RAG1: variants seen among roughly 807,000 people sequenced by gnomAD.
RAG1 encodes the protein V(D)J recombination-activating protein 1.
Under a neutral mutation model 62.7 loss-of-function variants are expected in RAG1, and 35 were observed. That is an observed-to-expected ratio of 0.56 (90% CI 0.43 to 0.74). The LOEUF is 0.74. RAG1 is among the 30% of genes least tolerant of loss of function. RAG1 has a pLI of 0.00. For missense variants in RAG1, 1,169 were observed against 1,278.6 expected (o/e 0.91, Z 1.31); for synonymous variants, 461 against 470.3 (o/e 0.98, Z 0.26).
intron 1 of RAG1, chr11:36,520,115 A>T (rs964397128): frequency 6.6e-6 from 1 of 152,178 alleles, no homozygotes; most frequent in Non-Finnish European, 1.5e-5. Flanking sequence ...TCAACATCAC[A>T]AGCTTTCTTT....
chr11:36,541,233 C>A (rs1414078476), intron 3 of RAG1, among the ~76,000 whole-genome samples: 1 of 152,196 alleles, frequency 6.6e-6, no homozygotes, highest in East Asian at 1.9e-4. Context: ...GGGCGTACTC[C>A]TGAATTGACT....
chr11:36,570,225 A>T (rs1483224364), intron 1 of RAG1, among the ~76,000 whole-genome samples: 1 of 152,182 alleles, frequency 6.6e-6, no homozygotes, highest in Non-Finnish European at 1.5e-5. Flanking sequence ...AATTTTAAAG[A>T]TATTGCTAAA....
Position 36,550,881 on chromosome 11 carries a change from G to T in RAG1, c.-411-12504G>T, listed in dbSNP as rs149209626. On this transcript the variant is annotated intron_variant and NMD_transcript_variant, in intron 3 of 9. Coordinates refer to the RAG1 transcript ENST00000534663. ...CCACAGAAGTACTCTGCCTACTTGG[G>T]TCATGTGACTAACCCTGGATCCATC... Among the ~76,000 whole-genome samples, 5 of 152,186 alleles carry T rather than the reference G, an allele frequency of 3.3e-5. No individual in the cohort carries two copies. In the East Asian group the frequency reaches 9.7e-4, roughly 29 times the overall value.
intron 2 of RAG1, chr11:36,520,301 C>T (rs1860058906): frequency 1.3e-5 from 2 of 152,084 alleles, no homozygotes; most frequent in East Asian, 1.9e-4. Context: ...CAAAGTCTTG[C>T]TCTGTTGCCC....
At chr11:36,531,824 A>G (rs185072465) in intron 2 of RAG1, among the ~76,000 whole-genome samples, 2 of 152,168 alleles carry the variant, frequency 1.3e-5, no homozygotes, top group Admixed American at 1.3e-4. Flanking sequence ...GACGTGAGCT[A>G]GAAACTTTCA....
At position 36,579,594 on chromosome 11, in the gene RAG1, G is replaced by T. The variant is rs1186510537; in HGVS notation, c.*3158G>T. ...GAAAATTCAGGTACCAGGATGCAAT[G>T]GATTTATTTGATTCAGGGGACCTGT... On this transcript the variant is annotated 3_prime_UTR_variant, in exon 2 of 2. Transcript: ENST00000299440. The T allele has an allele frequency of 2.4e-5, 4 of 165,282 alleles. No homozygotes were observed. The highest frequency in any genetic ancestry group is 7.3e-5 in the African/African-American group (3 of 40,946). The allele number at this position is 165,282 out of a possible 1,614,324, so 10.2% of individuals were successfully genotyped here. A position where few individuals can be genotyped will look rare whatever the true frequency, so the allele number is the denominator to read the frequency against.
intron 3 of RAG1, among the ~76,000 whole-genome samples, chr11:36,557,451 G>T: frequency 6.9e-6 from 1 of 145,810 alleles, no homozygotes. Context: ...GTGAGGCAAT[G>T]CCTCGCCCTG....
At chr11:36,528,638 A>T (rs1427901673) in intron 2 of RAG1, among the ~76,000 whole-genome samples, 1 of 152,150 alleles carries the variant, frequency 6.6e-6, no homozygotes, top group Non-Finnish European at 1.5e-5. Flanking sequence ...ACAAGAAATA[A>T]CTAAGATCAG....
At position 36,576,292 on chromosome 11, in the gene RAG1, G is replaced by T. The variant is rs1388654836; in HGVS notation, c.2988G>T (p.Leu996Phe). ...AAGATGTCCTGAAACACCACTGGTT[G>T]TACACCTCCAAATACCTCCAGAAGT... is the stretch of plus-strand genomic sequence containing the variant. ...EMEDVLKHHW[L>F]YTSKYLQKFM... Residue 996 changes from leucine (L) to phenylalanine (F), a missense_variant, in exon 2 of 2, where the codon TTG (leucine) becomes TTT (phenylalanine). Leu to Phe is a conservative substitution (Grantham distance 22, BLOSUM62 0). Coordinates refer to ENST00000299440, the MANE Select transcript of RAG1 (RefSeq NM_000448.3). The T allele has an allele frequency of 6.2e-7, 1 of 1,613,992 alleles. No homozygotes were observed.
chr11:36,519,899 A>G (rs1860051814), intron 1 of RAG1, among the ~76,000 whole-genome samples: 1 of 152,258 alleles, frequency 6.6e-6, no homozygotes, highest in African/African-American at 2.4e-5. Flanking sequence ...TTATAAAATA[A>G]AAAGTAAAAA....
chr11:36,520,701 T>C (rs1860066618), intron 2 of RAG1, among the ~76,000 whole-genome samples: 1 of 152,230 alleles, frequency 6.6e-6, no homozygotes, highest in Non-Finnish European at 1.5e-5. Flanking sequence ...ACATTAGTGT[T>C]ATGAAAAGGA....
chr11:36,518,670 C>T (rs1860031721), intron 1 of RAG1, among the ~76,000 whole-genome samples: 1 of 152,150 alleles, frequency 6.6e-6, no homozygotes, highest in African/African-American at 2.4e-5. Context: ...TATCCTTAGC[C>T]CACTTTTTGA....
Position 36,577,975 on chromosome 11 carries a change from G to A in RAG1, c.*1539G>A, listed in dbSNP as rs987368823. The A allele has an allele frequency of 6.0e-6, 1 of 167,108 alleles. No homozygotes were observed. Among genetic ancestry groups the A allele is most frequent in the Non-Finnish European group, 1.5e-5 (1 of 68,114 alleles). The allele number at this position is 167,108 out of a possible 1,614,324, so 10.4% of individuals were successfully genotyped here. ...CTCCAAAGGGCCCCCTAACCCTCTTGTGGCTCCAGTTATTTGGAAACTATG... is the reference window on the plus strand; with the variant it reads ...CTCCAAAGGGCCCCCTAACCCTCTTATGGCTCCAGTTATTTGGAAACTATG... On this transcript the variant is annotated 3_prime_UTR_variant, in exon 2 of 2. Transcript: ENST00000299440.
At chr11:36,558,269 A>G (rs12286152) in intron 3 of RAG1, among the ~76,000 whole-genome samples, 6,385 of 152,264 alleles carry the variant, frequency 0.042, 437 homozygotes, top group African/African-American at 0.14. Flanking sequence ...AAAACATTCT[A>G]TAAGTGTCTG....
At position 36,573,313 on chromosome 11, in the gene RAG1, C is replaced by A. The variant is rs774066339; in HGVS notation, c.9C>A (p.Ala3=). 6.2e-7 allele frequency: 1 copy of A among 1,614,190 alleles called. No individual in the cohort carries two copies. Among genetic ancestry groups the A allele is most frequent in the Non-Finnish European group, 8.5e-7 (1 of 1,180,036 alleles). The change falls in exon 2 of 2, where the codon GCC becomes GCA. Residue 3 remains alanine, a synonymous_variant. Transcript: ENST00000299440. The part of the protein sequence containing the change: MA[A]SFPPTLGLSS... ...CAGGTACCTCAGCCAGCATGGCAGC[C>A]TCTTTCCCACCCACCTTGGGACTCA...
At chr11:36,527,228 A>T (rs142589394) in intron 2 of RAG1, among the ~76,000 whole-genome samples, 15,288 of 152,156 alleles carry the variant, frequency 0.1, 833 homozygotes, top group Non-Finnish European at 0.11. Context: ...CCTTATATTT[A>T]AGTCTTTAAT....
intron 1 of RAG1, among the ~76,000 whole-genome samples, chr11:36,516,028 T>G (rs77129312): frequency 0.11 from 17,481 of 152,152 alleles, 1,081 homozygotes; most frequent in South Asian, 0.15. Flanking sequence ...ATTTTTTTCT[T>G]AATTTTGAAG....
At chr11:36,558,878 T>A (rs1850541334) in intron 3 of RAG1, among the ~76,000 whole-genome samples, 1 of 152,232 alleles carries the variant, frequency 6.6e-6, no homozygotes, top group African/African-American at 2.4e-5. Flanking sequence ...TTGTGTGGTT[T>A]GCTTGGTGAC....
At chr11:36,528,249 C>T (rs1860196539) in intron 2 of RAG1, among the ~76,000 whole-genome samples, 2 of 152,128 alleles carry the variant, frequency 1.3e-5, no homozygotes, top group South Asian at 4.1e-4. Context: ...GGAAGTAAAA[C>T]ACTCCTCAGC....
Sources: allele counts gnomAD v4.1 joint callset (sites outside exome capture counted in the v4.1 genomes callset), GRCh38; gene constraint gnomAD v4.1.1; transcripts MANE v1.5; gene names NCBI Gene and HGNC (gene_info 2026-07-23, HGNC 2026-07-21).